The following GALNT16 variants were observed in gnomAD, a reference collection of about 807,000 sequenced individuals.
GALNT16 encodes polypeptide N-acetylgalactosaminyltransferase 16, also known as UDP-GalNAc:polypeptide N-acetylgalactosaminyltransferase-like protein 1.
A neutral mutation model predicts 76.1 loss-of-function variants in GALNT16; 40 were observed. The ratio of observed to expected loss-of-function variants is 0.53; its 90% CI spans 0.41 to 0.68. The LOEUF (loss-of-function observed/expected upper bound fraction) is 0.68. Ranked by LOEUF, GALNT16 falls within the 30% of genes least tolerant of loss-of-function variation. The pLI is 0.00. For missense variants in GALNT16, 621 were observed against 731.9 expected, an observed-to-expected ratio of 0.85 and a Z score of 1.75; for synonymous variants, 276 against 285.2, an observed-to-expected ratio of 0.97 and a Z score of 0.32.
intron 1 of GALNT16, among the ~76,000 whole-genome samples, chr14:69,309,675 T>C (rs2044988921): frequency 6.6e-6 from 1 of 152,204 alleles, no homozygotes; most frequent in African/African-American, 2.4e-5. Flanking sequence ...TAAATATTGG[T>C]TCATTTCTTA....
At chr14:69,324,846 G>T in intron 3 of GALNT16, 56 bp downstream of exon 3, 1 of 1,195,310 alleles carries the variant, frequency 8.4e-7, no homozygotes, top group Non-Finnish European at 1.2e-6. Flanking sequence ...AGGACATTGG[G>T]ATTGGGCGCT....
chr14:69,341,910 G>A (rs1275685), intron 12 of GALNT16, 146 bp downstream of exon 12: 2 of 635,166 alleles, frequency 3.1e-6, no homozygotes. Context: ...CGTGACGGCT[G>A]TGGGGGAACT....
chr14:69,278,062 G>A (rs1385286201), intron 1 of GALNT16, among the ~76,000 whole-genome samples: 1 of 149,996 alleles, frequency 6.7e-6, no homozygotes, highest in Non-Finnish European at 1.5e-5. Flanking sequence ...AGGCTGGAGT[G>A]CTGTGGTGCT....
intron 1 of GALNT16, among the ~76,000 whole-genome samples, chr14:69,312,745 T>C (rs1043732780): frequency 2.0e-5 from 3 of 152,324 alleles, no homozygotes; most frequent in Non-Finnish European, 2.9e-5. Flanking sequence ...CAAGTCCCTA[T>C]CTGAGCCACG....
intron 1 of GALNT16, among the ~76,000 whole-genome samples, chr14:69,303,603 A>G (rs2044885559): frequency 6.6e-6 from 1 of 152,172 alleles, no homozygotes; most frequent in South Asian, 2.1e-4. Context: ...AAAAAATAAC[A>G]ATTACATAAA....
intron 1 of GALNT16, among the ~76,000 whole-genome samples, chr14:69,316,275 A>T (rs1200734522): frequency 6.6e-6 from 1 of 152,170 alleles, no homozygotes; most frequent in East Asian, 1.9e-4. Context: ...GAAAGGAGGA[A>T]GGAGAGGCTT....
intron 1 of GALNT16, among the ~76,000 whole-genome samples, chr14:69,294,687 C>G (rs1010740158): frequency 6.6e-6 from 1 of 152,130 alleles, no homozygotes; most frequent in Non-Finnish European, 1.5e-5. Context: ...CATTTTATAT[C>G]AATGGAACCT....
At position 69,337,977 on chromosome 14, in the gene GALNT16, A is replaced by G. The variant is rs146737950; in HGVS notation, c.968-674A>G. On this transcript the variant is annotated intron_variant, in intron 9 of 14. Coordinates refer to ENST00000448469, the MANE Select transcript of GALNT16 (RefSeq NM_001168368.2). ...CCAGCTGTCAAGGTGGGTCCTTACC[A>G]TAAATGGCAACTGGTGAGCGGAGAT... Among the ~76,000 whole-genome samples, 913 of 152,384 alleles carry G rather than the reference A, an allele frequency of 6.0e-3. 12 individuals carry two copies. The highest frequency in any genetic ancestry group is 0.02 in the African/African-American group (838 of 41,592).
At chr14:69,315,294 A>G (rs17106899) in intron 1 of GALNT16, among the ~76,000 whole-genome samples, 23,147 of 152,234 alleles carry the variant, frequency 0.15, 2,617 homozygotes, top group East Asian at 0.43. Flanking sequence ...AACTTAAACC[A>G]TTTCAGATGT....
intron 5 of GALNT16, among the ~76,000 whole-genome samples, chr14:69,327,162 C>T (rs574750085): frequency 1.3e-5 from 2 of 152,262 alleles, no homozygotes; most frequent in South Asian, 4.1e-4. Context: ...ACTAGCCTGG[C>T]CAATGTGCTA....
At chr14:69,337,695 G>C (rs2045431378) in intron 9 of GALNT16, among the ~76,000 whole-genome samples, 1 of 152,210 alleles carries the variant, frequency 6.6e-6, no homozygotes, top group Admixed American at 6.5e-5. Flanking sequence ...GGTATGCCAA[G>C]TGTCCGGTCC....
chr14:69,322,979 T>TGTGC (rs1403964672), intron 2 of GALNT16, among the ~76,000 whole-genome samples: 1 of 31,744 alleles, frequency 3.2e-5, no homozygotes, highest in Non-Finnish European at 5.1e-5. Flanking sequence ...TGTGTGTGTG[T>TGTGC]GTGCGCGCGC....
intron 1 of GALNT16, among the ~76,000 whole-genome samples, chr14:69,304,750 A>C (rs2044906891): frequency 6.6e-6 from 1 of 152,202 alleles, no homozygotes; most frequent in Non-Finnish European, 1.5e-5. Flanking sequence ...GGCTTATTTC[A>C]CTTGGCATAA....
At chr14:69,306,403 T>C (rs2044934984) in intron 1 of GALNT16, among the ~76,000 whole-genome samples, 1 of 152,326 alleles carries the variant, frequency 6.6e-6, no homozygotes, top group South Asian at 2.1e-4. Context: ...TTGATCATAC[T>C]GTTAAATTTA....
chr14:69,279,651 C>T (rs901077291), intron 1 of GALNT16, among the ~76,000 whole-genome samples: 6 of 152,214 alleles, frequency 3.9e-5, no homozygotes, highest in Non-Finnish European at 5.9e-5. Context: ...CGTGTCAGGG[C>T]GTATGCCGAG....
At chr14:69,302,327 T>A (rs1017407387) in intron 1 of GALNT16, among the ~76,000 whole-genome samples, 1 of 152,154 alleles carries the variant, frequency 6.6e-6, no homozygotes, top group Non-Finnish European at 1.5e-5. Context: ...ACTGTTTTTT[T>A]AAAAAAAGAT....
At chr14:69,334,784 GAA>G (rs2045396695) in intron 9 of GALNT16, among the ~76,000 whole-genome samples, 1 of 152,178 alleles carries the variant, frequency 6.6e-6, no homozygotes, top group Admixed American at 6.5e-5. Flanking sequence ...TCTGCCTGAG[GAA>G]GGGAACCCAG....
chr14:69,311,409 T>C (rs573675557), intron 1 of GALNT16, among the ~76,000 whole-genome samples: 1 of 152,276 alleles, frequency 6.6e-6, no homozygotes, highest in Non-Finnish European at 1.5e-5. Context: ...ACCACCACAA[T>C]GGGGATTAAG....
intron 1 of GALNT16, among the ~76,000 whole-genome samples, chr14:69,270,681 A>G (rs1055140576): frequency 1.3e-5 from 2 of 152,078 alleles, no homozygotes; most frequent in African/African-American, 4.8e-5. Flanking sequence ...AGGGGGCTTC[A>G]CTTCTGACGC....
Sources: gnomAD v4.1 joint callset for allele counts (sites outside exome capture counted in the v4.1 genomes callset) on GRCh38, gnomAD v4.1.1 for gene constraint, MANE v1.5 for transcripts, NCBI Gene and HGNC (gene_info 2026-07-23, HGNC 2026-07-21) for gene names.